Variants in DAAM1 observed in about 807,000 individuals in gnomAD.
DAAM1 encodes dishevelled associated activator of morphogenesis 1, also known as disheveled-associated activator of morphogenesis 1.
In DAAM1, 52 loss-of-function variants were observed where a neutral mutation model predicts 130.0. That is an observed-to-expected ratio of 0.40 (90% CI 0.32 to 0.50). The LOEUF (loss-of-function observed/expected upper bound fraction) is 0.50, where lower values mean the gene tolerates loss of function less well. Ranked by LOEUF, DAAM1 falls within the 20% of genes least tolerant of loss-of-function variation. The pLI, the probability that DAAM1 is intolerant of heterozygous loss-of-function variation, is 0.61. For missense variants in DAAM1, 1,134 were observed against 1,303.8 expected (o/e 0.87, Z 2.01); for synonymous variants, 452 against 444.5 (o/e 1.02, Z -0.21).
chr14:59,215,891 T>C (rs569323253), intron 1 of DAAM1, among the ~76,000 whole-genome samples: 24 of 152,332 alleles, frequency 1.6e-4, no homozygotes, highest in Non-Finnish European at 3.2e-4. Flanking sequence ...AATGACACTA[T>C]AGCATGAGAG....
intron 17 of DAAM1, among the ~76,000 whole-genome samples, chr14:59,350,837 G>C (rs970873662): frequency 1.3e-5 from 2 of 152,036 alleles, no homozygotes; most frequent in South Asian, 4.2e-4. Context: ...CTTGAATGCT[G>C]GTTCTCTTCA....
At chr14:59,294,552 C>T (rs1342195888) in intron 3 of DAAM1, among the ~76,000 whole-genome samples, 2 of 147,798 alleles carry the variant, frequency 1.4e-5, no homozygotes, top group Non-Finnish European at 3.0e-5. Context: ...TCATAGACAG[C>T]AATCCACTGT....
intron 9 of DAAM1, 101 bp from the exon 10 acceptor site, chr14:59,325,859 C>G: frequency 6.6e-7 from 1 of 1,519,206 alleles, no homozygotes; most frequent in Non-Finnish European, 9.1e-7. Flanking sequence ...ATTTTGTTTC[C>G]TAAGTGGCAG....
At chr14:59,200,846 C>A (rs1888074961) in intron 1 of DAAM1, among the ~76,000 whole-genome samples, 1 of 151,994 alleles carries the variant, frequency 6.6e-6, no homozygotes. Flanking sequence ...GGAGTTGGGG[C>A]CCATTCTACA....
At chr14:59,201,155 C>T (rs561723402) in intron 1 of DAAM1, among the ~76,000 whole-genome samples, 165 of 107,356 alleles carry the variant, frequency 1.5e-3, no homozygotes, top group Non-Finnish European at 1.4e-3. Flanking sequence ...AGTGAGACTC[C>T]GTCTCAAAAA....
intron 10 of DAAM1, among the ~76,000 whole-genome samples, chr14:59,326,303 C>A (rs1490675630): frequency 6.6e-6 from 1 of 152,188 alleles, no homozygotes; most frequent in African/African-American, 2.4e-5. Flanking sequence ...ATATGCCTTA[C>A]AACCTGTTCA....
chr14:59,271,969 G>A (rs7149285), intron 2 of DAAM1, among the ~76,000 whole-genome samples: 16,213 of 151,350 alleles, frequency 0.11, 920 homozygotes, highest in South Asian at 0.2. Context: ...ACTGATAGAA[G>A]GAAAAAAAAA....
At chr14:59,256,635 C>T (rs1438647759) in intron 1 of DAAM1, among the ~76,000 whole-genome samples, 1 of 152,206 alleles carries the variant, frequency 6.6e-6, no homozygotes, top group Non-Finnish European at 1.5e-5. Context: ...CAGGGCCCAG[C>T]TGTCATGGTG....
chr14:59,367,112 A>C (rs1360460753), intron 23 of DAAM1, among the ~76,000 whole-genome samples: 1 of 151,868 alleles, frequency 6.6e-6, no homozygotes, highest in African/African-American at 2.4e-5. Flanking sequence ...ACATGGCAAA[A>C]TCCTGACTCT....
At chr14:59,244,234 C>G (rs1379310106) in intron 1 of DAAM1, among the ~76,000 whole-genome samples, 1 of 133,774 alleles carries the variant, frequency 7.5e-6, no homozygotes, top group African/African-American at 2.7e-5. Flanking sequence ...TGTGAGTCCA[C>G]TAAACCTATT....
chr14:59,326,936 G>A lies in DAAM1; in HGVS notation c.1317G>A (p.Leu439=). ...TGCTCCTTGAACTCTTACACAGGTT[G>A]GTTAATGAAAATGAAGTTAAGCAGT... ...NFNIKNVVRM[L]VNENEVKQWK... is the part of the protein sequence containing the mutation. The change falls in exon 12 of 25, where the codon TTG becomes TTA. Residue 439 remains leucine (L), a synonymous_variant. Transcript: ENST00000360909. The A allele has an allele frequency of 6.2e-7, 1 of 1,613,834 alleles. No individual in the cohort carries two copies. Among genetic ancestry groups the A allele is most frequent in the African/African-American group, 1.3e-5 (1 of 75,010 alleles).
At chr14:59,362,038 G>A (rs199892030) in intron 22 of DAAM1, among the ~76,000 whole-genome samples, 1 of 100,056 alleles carries the variant, frequency 1.0e-5, no homozygotes, top group Non-Finnish European at 2.0e-5. Context: ...TTTTTTTAAT[G>A]TAGGGAGTAG....
intron 1 of DAAM1, among the ~76,000 whole-genome samples, chr14:59,254,175 G>A (rs984312107): frequency 6.6e-6 from 1 of 152,150 alleles, no homozygotes; most frequent in African/African-American, 2.4e-5. Flanking sequence ...ACTGACTTTA[G>A]GGGTCATTAC....
chr14:59,221,927 G>A (rs1013050269), intron 1 of DAAM1, among the ~76,000 whole-genome samples: 2 of 152,194 alleles, frequency 1.3e-5, no homozygotes, highest in Admixed American at 1.3e-4. Context: ...ATGGTGAGTG[G>A]TGCCACCCAC....
intron 3 of DAAM1, among the ~76,000 whole-genome samples, chr14:59,294,556 C>T (rs1216708836): frequency 7.0e-6 from 1 of 143,186 alleles, no homozygotes; most frequent in Non-Finnish European, 1.5e-5. Flanking sequence ...AGACAGCAAT[C>T]CACTGTCATT....
At chr14:59,243,109 A>G (rs1218708087) in intron 1 of DAAM1, among the ~76,000 whole-genome samples, 1 of 152,124 alleles carries the variant, frequency 6.6e-6, no homozygotes, top group South Asian at 2.1e-4. Context: ...GCTGGGAACT[A>G]CTTTGATCCT....
intron 1 of DAAM1, among the ~76,000 whole-genome samples, chr14:59,190,436 G>C (rs560792479): frequency 3.6e-4 from 55 of 152,264 alleles, no homozygotes; most frequent in Non-Finnish European, 5.3e-4. Flanking sequence ...CTCCCCTGTT[G>C]TGCATAAAGA....
At chr14:59,319,521 A>G (rs1220252027) in intron 4 of DAAM1, among the ~76,000 whole-genome samples, 1 of 152,182 alleles carries the variant, frequency 6.6e-6, no homozygotes, top group Non-Finnish European at 1.5e-5. Flanking sequence ...TTCTCAGCCA[A>G]GCATTTCTAT....
intron 17 of DAAM1, among the ~76,000 whole-genome samples, chr14:59,350,382 GCACACATATAC>G (rs1886244807): frequency 6.6e-6 from 1 of 151,758 alleles, no homozygotes; most frequent in African/African-American, 2.4e-5. Context: ...TACAGCATCT[GCACACATATAC>G]CACACATACA....
Sources: gnomAD v4.1 joint callset for allele counts (sites outside exome capture counted in the v4.1 genomes callset) on GRCh38, gnomAD v4.1.1 for gene constraint, MANE v1.5 for transcripts, NCBI Gene and HGNC (gene_info 2026-07-23, HGNC 2026-07-21) for gene names.